The following GEMIN5 variants were observed in gnomAD, a reference collection of about 807,000 sequenced individuals.
GEMIN5 encodes the protein gem nuclear organelle associated protein 5, also known as gem-associated protein 5.
A neutral mutation model predicts 176.9 loss-of-function variants in GEMIN5; 124 were observed. The ratio of observed to expected loss-of-function variants is 0.70; its 90% CI spans 0.61 to 0.81. The LOEUF (loss-of-function observed/expected upper bound fraction) is 0.81, where lower values mean the gene tolerates loss of function less well. Ranked by LOEUF, GEMIN5 falls within the 40% of genes least tolerant of loss-of-function variation. The probability of loss-of-function intolerance (pLI) is 0.00; values close to 1 mark genes in which losing one functional copy is unlikely to be tolerated. For missense variants in GEMIN5, 1,843 were observed against 1,814.6 expected (o/e 1.02, Z -0.28); for synonymous variants, 673 against 665.2 (o/e 1.01, Z -0.18).
intron 16 of GEMIN5, among the ~76,000 whole-genome samples, chr5:154,907,352 A>G (rs1763588288): frequency 6.6e-6 from 1 of 152,142 alleles, no homozygotes; most frequent in Non-Finnish European, 1.5e-5. Context: ...GCCCAAGTTG[A>G]ATAAGAAGTT....
intron 21 of GEMIN5, among the ~76,000 whole-genome samples, chr5:154,900,554 C>T (rs1373973631): frequency 6.6e-6 from 1 of 152,172 alleles, no homozygotes; most frequent in Non-Finnish European, 1.5e-5. Context: ...CACTGGCTTT[C>T]TGCCCAAAGC....
chr5:154,892,746 C>T (rs746000513), intron 24 of GEMIN5, 197 bp from the exon 25 acceptor site: 11 of 566,912 alleles, frequency 1.9e-5, no homozygotes, highest in Middle Eastern at 4.6e-4. Flanking sequence ...AGCACACACA[C>T]GTCCCGGTGT....
In GEMIN5 at chr5:154,891,265, G is replaced by A; in HGVS notation, c.4238C>T (p.Pro1413Leu). ...CCACTGGCTCTGAGAACTGCAGAGGGGCTGCTCTGCTTCTACTTCCGGTTC... is the reference window on the plus strand; with the variant it reads ...CCACTGGCTCTGAGAACTGCAGAGGAGCTGCTCTGCTTCTACTTCCGGTTC... ...KNEPEVEAEQPLCSSQSQCKE... is the reference protein window; with the variant it reads ...KNEPEVEAEQLLCSSQSQCKE... The change falls in exon 26 of 28, where the codon CCC (proline) becomes CTC (leucine). Residue 1413 changes from proline (P) to leucine (L), a missense_variant. Transcript: ENST00000285873. 1 of 1,613,476 alleles carries A rather than the reference G, an allele frequency of 6.2e-7. No individual in the cohort carries two copies. Among genetic ancestry groups the A allele is most frequent in the South Asian group, 1.1e-5 (1 of 91,058 alleles).
chr5:154,901,707 G>A (rs963770314), intron 20 of GEMIN5, among the ~76,000 whole-genome samples: 1 of 151,364 alleles, frequency 6.6e-6, no homozygotes, highest in East Asian at 1.9e-4. Context: ...AAGTTGAAAA[G>A]ATACAGAAAG....
chr5:154,909,108 G>A (rs764716187), intron 15 of GEMIN5, among the ~76,000 whole-genome samples: 2 of 149,522 alleles, frequency 1.3e-5, no homozygotes, highest in African/African-American at 4.9e-5. Context: ...ACAGGTGTGC[G>A]ACACCATGCC....
rs933395003 is a variant in GEMIN5 at position 154,912,865 on chromosome 5, T to A, written c.1995+34A>T. On this transcript the variant is annotated intron_variant, in intron 14 of 27. Transcript: ENST00000285873. ...AGAAAGAATTTGTTAGAGTACACAG[T>A]GAAGGACCCACAGGGACAAGGACAC... 7.6e-6 allele frequency: 12 copies of A among 1,587,504 alleles called. No individual in the cohort carries two copies. In the African/African-American group the frequency reaches 1.5e-4, roughly 20 times the overall value.
chr5:154,887,536 G>A lies in GEMIN5; in HGVS notation c.*674C>T, dbSNP rs1044388597. 2 of 152,180 alleles carry A rather than the reference G, an allele frequency of 1.3e-5. No individual in the cohort carries two copies. The highest frequency in any genetic ancestry group is 4.8e-5 in the African/African-American group (2 of 41,452). 9.4% of individuals were successfully genotyped at this position (152,180 alleles called of 1,614,324 possible). A position where few individuals can be genotyped will look rare whatever the true frequency, so the allele number is the denominator to read the frequency against. On this transcript the variant is annotated 3_prime_UTR_variant, in exon 28 of 28. Coordinates refer to ENST00000285873, the MANE Select transcript of GEMIN5 (RefSeq NM_015465.5). ...CTATTTGACTGCCATCAATCCATTT[G>A]TTATAAAACTGAAGGGAAAACACAC...
chr5:154,925,798 G>T, intron 8 of GEMIN5, 64 bp downstream of exon 8: 1 of 872,240 alleles, frequency 1.1e-6, no homozygotes, highest in Non-Finnish European at 1.9e-6. Flanking sequence ...TAAATGAACA[G>T]GCATAAAAGA....
In GEMIN5 at chr5:154,891,630, A is replaced by G; in HGVS notation, c.3873T>C (p.Ser1291=). 1 of 1,614,150 alleles carries G rather than the reference A, an allele frequency of 6.2e-7. No individual in the cohort carries two copies. The highest frequency in any genetic ancestry group is 8.5e-7 in the Non-Finnish European group (1 of 1,180,012). ...TGGAATTTGGGCAAGGTCTGGAGAG[A>G]GACCACCAGAATTCATACAGACGCC... ...LYGRLYEFWW[S]LSRPCPNSSV... is the part of the protein sequence containing the mutation. The change falls in exon 26 of 28, where the codon TCT becomes TCC. Residue 1291 remains serine, a synonymous_variant. Coordinates refer to ENST00000285873, the MANE Select transcript of GEMIN5 (RefSeq NM_015465.5).
intron 14 of GEMIN5, among the ~76,000 whole-genome samples, chr5:154,912,467 C>T (rs1271651157): frequency 6.6e-6 from 1 of 152,168 alleles, no homozygotes; most frequent in African/African-American, 2.4e-5. Context: ...ACAAGTCCTC[C>T]CTCATAGATC....
intron 16 of GEMIN5, among the ~76,000 whole-genome samples, chr5:154,906,486 T>C (rs1264637861): frequency 6.6e-6 from 1 of 152,212 alleles, no homozygotes; most frequent in Non-Finnish European, 1.5e-5. Context: ...GTATGCAATA[T>C]GGTGTCACAA....
At chr5:154,906,208 C>T (rs11743080) in intron 16 of GEMIN5, among the ~76,000 whole-genome samples, 55,075 of 151,780 alleles carry the variant, frequency 0.36, 11,031 homozygotes, top group Middle Eastern at 0.46. Context: ...GTTGCTTAGG[C>T]TAGTCTCAAG....
chr5:154,927,297 C>A (rs1764061448), intron 7 of GEMIN5, 88 bp downstream of exon 7: 6 of 770,294 alleles, frequency 7.8e-6, no homozygotes, highest in African/African-American at 1.7e-5. Context: ...AGTATTACGA[C>A]TTGACAGGTG....
intron 10 of GEMIN5, among the ~76,000 whole-genome samples, chr5:154,920,327 G>A (rs544023277): frequency 6.6e-6 from 1 of 152,290 alleles, no homozygotes; most frequent in African/African-American, 2.4e-5. Flanking sequence ...TAATTTATGT[G>A]ATGTAACATA....
intron 7 of GEMIN5, among the ~76,000 whole-genome samples, chr5:154,927,174 C>A (rs553662582): frequency 6.6e-6 from 1 of 152,106 alleles, no homozygotes; most frequent in Non-Finnish European, 1.5e-5. Context: ...TTTATTATGT[C>A]TGCTTTAACA....
chr5:154,897,084 T>C (rs1763366534), intron 23 of GEMIN5, among the ~76,000 whole-genome samples: 1 of 152,226 alleles, frequency 6.6e-6, no homozygotes, highest in Non-Finnish European at 1.5e-5. Context: ...TTCTGGAAAC[T>C]TTTTTTGATG....
intron 8 of GEMIN5, among the ~76,000 whole-genome samples, chr5:154,924,824 C>A (rs1001495763): frequency 2.0e-5 from 3 of 151,926 alleles, no homozygotes; most frequent in African/African-American, 7.3e-5. Context: ...CCTGCCTCTA[C>A]TAAAAATACA....
Position 154,920,059 on chromosome 5 carries a change from C to T in GEMIN5, c.1507G>A (p.Gly503Arg), listed in dbSNP as rs756766912. ...TTATGCTGTAAGACAATCCCTTCTC[C>T]TCCACAGCTGTATAAAGCAAGGGAA... ...RPSLALYSCG[G>R]EGIVLQHNPW... Residue 503 changes from glycine (G) to arginine (R), a missense_variant, in exon 11 of 28, where the codon GGA (glycine) becomes AGA (arginine). Transcript: ENST00000285873. 1.2e-6 allele frequency: 2 copies of T among 1,612,782 alleles called. No individual in the cohort carries two copies. The highest frequency in any genetic ancestry group is 1.7e-6 in the Non-Finnish European group (2 of 1,178,822).
intron 12 of GEMIN5, among the ~76,000 whole-genome samples, chr5:154,917,434 T>G (rs1763837013): frequency 6.6e-6 from 1 of 152,320 alleles, no homozygotes; most frequent in South Asian, 2.1e-4. Context: ...TTTTAGAAAT[T>G]TTAACTTTCC....
Sources: allele counts gnomAD v4.1 joint callset (sites outside exome capture counted in the v4.1 genomes callset), GRCh38; gene constraint gnomAD v4.1.1; transcripts MANE v1.5; gene names NCBI Gene and HGNC (gene_info 2026-07-23, HGNC 2026-07-21).